The following MLLT3 variants were observed in gnomAD, a reference collection of about 807,000 sequenced individuals.
MLLT3 encodes the protein protein AF-9.
A neutral mutation model predicts 53.2 loss-of-function variants in MLLT3; 4 were observed. The observed-to-expected ratio is 0.08, with a 90% confidence interval of 0.04 to 0.17. The LOEUF is 0.17. MLLT3 is among the 10% of genes least tolerant of loss of function. The pLI is 1.00. For missense variants in MLLT3, 569 were observed against 684.0 expected, an observed-to-expected ratio of 0.83 and a Z score of 1.87; for synonymous variants, 283 against 230.6, an observed-to-expected ratio of 1.23 and a Z score of -2.06.
At chr9:20,450,110 C>T (rs1028586909) in intron 3 of MLLT3, among the ~76,000 whole-genome samples, 1 of 152,206 alleles carries the variant, frequency 6.6e-6, no homozygotes, top group Admixed American at 6.5e-5. Context: ...TCTTGGAATA[C>T]AGCAATTCTA....
At chr9:20,402,626 T>C (rs1179551207) in intron 5 of MLLT3, among the ~76,000 whole-genome samples, 2 of 152,190 alleles carry the variant, frequency 1.3e-5, no homozygotes, top group African/African-American at 2.4e-5. Flanking sequence ...ATTTGCCAGA[T>C]ACCTAAATGT....
intron 4 of MLLT3, among the ~76,000 whole-genome samples, chr9:20,436,437 T>C (rs979520572): frequency 5.9e-5 from 9 of 152,130 alleles, no homozygotes; most frequent in Non-Finnish European, 1.3e-4. Flanking sequence ...TAAACAAAAA[T>C]ATGAAGTCCG....
intron 8 of MLLT3, among the ~76,000 whole-genome samples, chr9:20,357,828 A>C (rs925454457): frequency 6.6e-6 from 1 of 152,190 alleles, no homozygotes; most frequent in Non-Finnish European, 1.5e-5. Flanking sequence ...GAGAACAGGC[A>C]AGGAGTATGG....
chr9:20,574,267 AAAG>A (rs1819600156), intron 2 of MLLT3, among the ~76,000 whole-genome samples: 1 of 152,340 alleles, frequency 6.6e-6, no homozygotes, highest in Non-Finnish European at 1.5e-5. Flanking sequence ...AGACACAATA[AAAG>A]AAGAATGAAT....
At chr9:20,505,872 T>A (rs992068202) in intron 2 of MLLT3, among the ~76,000 whole-genome samples, 1 of 152,218 alleles carries the variant, frequency 6.6e-6, no homozygotes, top group Non-Finnish European at 1.5e-5. Context: ...CTAGTTTAGA[T>A]ACCCCCTCAG....
At chr9:20,540,302 T>C (rs1477699156) in intron 2 of MLLT3, among the ~76,000 whole-genome samples, 7 of 152,312 alleles carry the variant, frequency 4.6e-5, no homozygotes, top group South Asian at 2.1e-4. Flanking sequence ...GGGGATTCTG[T>C]GTAGGGGCTC....
chr9:20,341,759 G>C lies in MLLT3; in HGVS notation c.*4684C>G, dbSNP rs1286888191. On this transcript the variant is annotated 3_prime_UTR_variant, in exon 11 of 11. Transcript: ENST00000380338. ...CAAGGTAGCAGTTCTTGCTGTGAAAGTAAATGCAGGGACTTTGTAAGATCG... is the reference window on the plus strand; with the variant it reads ...CAAGGTAGCAGTTCTTGCTGTGAAACTAAATGCAGGGACTTTGTAAGATCG... The C allele has an allele frequency of 1.6e-5, 3 of 191,834 alleles. No individual in the cohort carries two copies. The highest frequency in any genetic ancestry group is 3.3e-5 in the Non-Finnish European group (3 of 91,916). The allele number at this position is 191,834 out of a possible 1,614,324, so 11.9% of individuals were successfully genotyped here. A position where few individuals can be genotyped will look rare whatever the true frequency, so the allele number is the denominator to read the frequency against.
intron 2 of MLLT3, among the ~76,000 whole-genome samples, chr9:20,543,059 G>C (rs1446536816): frequency 6.6e-6 from 1 of 152,210 alleles, no homozygotes; most frequent in Non-Finnish European, 1.5e-5. Context: ...GAATTGAAGA[G>C]ATTTAGGGCC....
chr9:20,523,224 T>A (rs548337841), intron 2 of MLLT3, among the ~76,000 whole-genome samples: 11 of 152,360 alleles, frequency 7.2e-5, no homozygotes, highest in African/African-American at 2.6e-4. Flanking sequence ...TAACACTTCA[T>A]GCTGGTGAGG....
At position 20,414,238 on chromosome 9, in the gene MLLT3, T is replaced by C. The variant is rs1822805029; in HGVS notation, c.608A>G (p.His203Arg). 1 of 1,614,062 alleles carries C rather than the reference T, an allele frequency of 6.2e-7. No individual in the cohort carries two copies. The highest frequency in any genetic ancestry group is 8.5e-7 in the Non-Finnish European group (1 of 1,180,022). ...FSKPHKLMKE[H>R]KEKPSKDSRE... ...GGAGTCTTTAGAAGGTTTTTCCTTG[T>C]GCTCCTTCATTAATTTGTGAGGCTT... The change falls in exon 5 of 11, where the codon CAC becomes CGC. Residue 203 changes from histidine (H) to arginine (R), a missense_variant. Physicochemically the swap from His to Arg is conservative, Grantham distance 29. Around this residue, in one of 5 missense-constraint regions of MLLT3, gnomAD observed 437 missense variants for 376.5 expected, o/e 1.16. Coordinates refer to ENST00000380338, the MANE Select transcript of MLLT3 (RefSeq NM_004529.4).
intron 2 of MLLT3, among the ~76,000 whole-genome samples, chr9:20,505,082 C>T (rs1825351147): frequency 6.6e-6 from 1 of 152,098 alleles, no homozygotes; most frequent in African/African-American, 2.4e-5. Context: ...TGACTGATGG[C>T]TTGAACCAGA....
chr9:20,355,716 C>A (rs1043955833), intron 8 of MLLT3, among the ~76,000 whole-genome samples: 1 of 152,128 alleles, frequency 6.6e-6, no homozygotes, highest in African/African-American at 2.4e-5. Context: ...TGTATAAACA[C>A]AAAAAGCAAA....
rs568082047 is a variant in MLLT3, at chr9:20,344,886, G to C, written c.*1557C>G. The C allele has an allele frequency of 1.5e-4, 32 of 212,248 alleles. No individual in the cohort carries two copies. Among genetic ancestry groups the C allele is most frequent in the African/African-American group, 6.3e-4 (28 of 44,306 alleles). The allele number at this position is 212,248 out of a possible 1,614,324, so 13.1% of individuals were successfully genotyped here. A position where few individuals can be genotyped will look rare whatever the true frequency, so the allele number is the denominator to read the frequency against. ...AAACAAGGGAGATACTGGTCTATTA[G>C]CACACATAGAGACTTTCTTAAGGCT... On this transcript the variant is annotated 3_prime_UTR_variant, in exon 11 of 11. Transcript: ENST00000380338.
chr9:20,480,905 C>G (rs779559526), intron 2 of MLLT3, among the ~76,000 whole-genome samples: 11 of 152,032 alleles, frequency 7.2e-5, no homozygotes. Context: ...GTCAGAGGGA[C>G]CTTATTCAAA....
At chr9:20,571,479 T>A (rs551825143) in intron 2 of MLLT3, among the ~76,000 whole-genome samples, 1 of 152,358 alleles carries the variant, frequency 6.6e-6, no homozygotes, top group South Asian at 2.1e-4. Flanking sequence ...CTGGGATACA[T>A]GTGCAGAACA....
At chr9:20,573,034 A>G (rs1489207075) in intron 2 of MLLT3, among the ~76,000 whole-genome samples, 1 of 152,164 alleles carries the variant, frequency 6.6e-6, no homozygotes, top group Admixed American at 6.5e-5. Flanking sequence ...GACTTAATGA[A>G]ATCATTTGGT....
Position 20,448,108 on chromosome 9 carries a change from G to T in MLLT3, c.420+15C>A. 1 of 1,600,818 alleles carries T rather than the reference G, an allele frequency of 6.2e-7. No individual in the cohort carries two copies. Among genetic ancestry groups the T allele is most frequent in the East Asian group, 2.2e-5 (1 of 44,758 alleles). On this transcript the variant is annotated intron_variant, in intron 4 of 10. Transcript: ENST00000380338. The surrounding 1 kb of genome is among the most constrained non-coding windows in gnomAD (Gnocchi z 4.0). ...TTTTTAATAGGAATGCTTTTCACAAGAGAGTGCCACTTACCCCTCCTGCCT... is the reference window on the plus strand; with the variant it reads ...TTTTTAATAGGAATGCTTTTCACAATAGAGTGCCACTTACCCCTCCTGCCT...
chr9:20,411,902 A>G (rs888017972), intron 5 of MLLT3: 7 of 152,192 alleles, frequency 4.6e-5, no homozygotes, highest in Non-Finnish European at 1.0e-4. Flanking sequence ...ATAAATCGGC[A>G]AACATTCTAA....
chr9:20,594,726 C>G (rs1330108431), intron 2 of MLLT3, among the ~76,000 whole-genome samples: 3 of 152,142 alleles, frequency 2.0e-5, no homozygotes, highest in Non-Finnish European at 2.9e-5. Context: ...TGAAAGTGAC[C>G]TTTGGTCATC....
Sources: allele counts gnomAD v4.1 joint callset (sites outside exome capture counted in the v4.1 genomes callset), GRCh38; gene constraint gnomAD v4.1.1; regional missense constraint gnomAD v4.1.1; non-coding constraint Gnocchi (gnomAD v3.1); transcripts MANE v1.5; gene names NCBI Gene and HGNC (gene_info 2026-07-23, HGNC 2026-07-21).